Variants in SEC31A observed in about 807,000 individuals in gnomAD.
SEC31A encodes SEC31 homolog A, COPII component, also known as protein transport protein Sec31A.
SEC31A carries 70 observed loss-of-function variants against 151.0 expected under a neutral mutation model. The ratio of observed to expected loss-of-function variants is 0.46; its 90% CI spans 0.38 to 0.57. SEC31A has a LOEUF of 0.57. Ranked by LOEUF, SEC31A falls within the 20% of genes least tolerant of loss-of-function variation. The pLI, the probability that SEC31A is intolerant of heterozygous loss-of-function variation, is 0.00. For missense variants in SEC31A, 1,330 were observed against 1,471.2 expected (o/e 0.90, Z 1.57); for synonymous variants, 475 against 505.9 (o/e 0.94, Z 0.82).
At chr4:82,840,500 T>C (rs368360992) in intron 22 of SEC31A, among the ~76,000 whole-genome samples, 23 of 152,392 alleles carry the variant, frequency 1.5e-4, no homozygotes, top group Admixed American at 1.0e-3. Flanking sequence ...TTAAGGATTA[T>C]GCATACAGTG....
At chr4:82,864,753 T>C (rs1424726312) in intron 10 of SEC31A, among the ~76,000 whole-genome samples, 155 bp from the exon 11 acceptor site, 1 of 152,012 alleles carries the variant, frequency 6.6e-6, no homozygotes, top group Non-Finnish European at 1.5e-5. Flanking sequence ...CTGTTCTAGA[T>C]GAAATGTACT....
At chr4:82,844,670 C>G (rs1016866436) in intron 20 of SEC31A, among the ~76,000 whole-genome samples, 161 bp from the exon 21 acceptor site, 2 of 152,160 alleles carry the variant, frequency 1.3e-5, no homozygotes, top group African/African-American at 4.8e-5. Flanking sequence ...CTCATAATAC[C>G]ACATTTTCTG....
chr4:82,891,301 G>A, upstream of SEC31A: 1 of 974,166 alleles, frequency 1.0e-6, no homozygotes, highest in South Asian at 1.6e-5. Flanking sequence ...GGCACTTCCG[G>A]GACCGGCGGT....
intron 22 of SEC31A, among the ~76,000 whole-genome samples, chr4:82,841,368 A>G (rs1728685620): frequency 6.7e-6 from 1 of 149,180 alleles, no homozygotes. Context: ...GGTTGCAGTG[A>G]GCTGAGATCA....
chr4:82,862,624 T>A (rs1194564230), intron 12 of SEC31A, 52 bp from the exon 13 acceptor site: 1 of 1,505,144 alleles, frequency 6.6e-7, no homozygotes, highest in Non-Finnish European at 9.2e-7. Context: ...TTTCAGAGCA[T>A]CCAGCAAATG....
intron 14 of SEC31A, among the ~76,000 whole-genome samples, chr4:82,860,644 T>TA (rs1183077011): frequency 3.5e-5 from 4 of 112,976 alleles, no homozygotes; most frequent in Non-Finnish European, 6.8e-5. Flanking sequence ...GGCTAATTTT[T>TA]TATTTTTTTT....
intron 21 of SEC31A, chr4:82,844,050 C>T (rs1729503692): frequency 3.5e-6 from 1 of 286,636 alleles, no homozygotes; most frequent in Non-Finnish European, 6.4e-6. Flanking sequence ...TTTGTGTCAT[C>T]TTGCCTGAAG....
chr4:82,821,237 A>G (rs1446132249), intron 25 of SEC31A, 129 bp from the exon 26 acceptor site: 2 of 718,406 alleles, frequency 2.8e-6, no homozygotes, highest in Non-Finnish European at 4.8e-6. Context: ...AAATGGAGGC[A>G]ACTACAACTA....
intron 10 of SEC31A, among the ~76,000 whole-genome samples, chr4:82,865,123 A>C (rs1735022151): frequency 6.6e-6 from 1 of 152,204 alleles, no homozygotes; most frequent in Non-Finnish European, 1.5e-5. Flanking sequence ...TAGGAAGATT[A>C]ATCTTGGAAT....
chr4:82,839,896 A>T (rs1220260345), intron 22 of SEC31A, among the ~76,000 whole-genome samples: 1 of 152,266 alleles, frequency 6.6e-6, no homozygotes, highest in African/African-American at 2.4e-5. Context: ...CTTCTGCTTA[A>T]GGAGAAAAAG....
Position 82,881,963 on chromosome 4 carries a change from A to G in SEC31A, c.-4-23T>C, listed in dbSNP as rs746031165. The G allele has an allele frequency of 2.3e-5, 36 of 1,585,186 alleles. No individual in the cohort carries two copies. The African/African-American group carries it at 4.4e-4, about 20-fold the overall frequency. Reference sequence around the variant, plus strand: ...CTGCTAAAGGGAATATTTTATACAGAAACAGCCTTGAATGACTTGAATGTC... The same window carrying G: ...CTGCTAAAGGGAATATTTTATACAGGAACAGCCTTGAATGACTTGAATGTC... On this transcript the variant is annotated intron_variant, in intron 1 of 26. Transcript: ENST00000395310.
upstream of SEC31A, among the ~76,000 whole-genome samples, chr4:82,892,320 C>A (rs1719847484): frequency 6.6e-6 from 1 of 152,222 alleles, no homozygotes; most frequent in African/African-American, 2.4e-5. Flanking sequence ...TCCATTTCAA[C>A]CGCAAGCAGC....
At chr4:82,836,203 T>C (rs928374975) in intron 22 of SEC31A, among the ~76,000 whole-genome samples, 30 of 151,768 alleles carry the variant, frequency 2.0e-4, no homozygotes, top group African/African-American at 7.3e-4. Context: ...CGAAACCCCA[T>C]CTCTACTAAA....
intron 5 of SEC31A, among the ~76,000 whole-genome samples, chr4:82,875,089 A>G (rs1283169939): frequency 1.3e-5 from 2 of 152,222 alleles, no homozygotes; most frequent in African/African-American, 2.4e-5. Flanking sequence ...GTTGGTGACT[A>G]TGACAGAAAA....
upstream of SEC31A, among the ~76,000 whole-genome samples, chr4:82,892,579 T>C (rs1027235675): frequency 3.3e-5 from 5 of 152,256 alleles, no homozygotes; most frequent in Non-Finnish European, 7.3e-5. Flanking sequence ...TTATAAATGG[T>C]CACAAGTTTA....
intron 20 of SEC31A, among the ~76,000 whole-genome samples, chr4:82,846,860 A>G (rs1730347277): frequency 6.6e-6 from 1 of 152,046 alleles, no homozygotes; most frequent in Non-Finnish European, 1.5e-5. Flanking sequence ...GATTACAGGC[A>G]TGCGCCACCA....
chr4:82,886,811 T>C (rs372024032), intron 1 of SEC31A, among the ~76,000 whole-genome samples: 23 of 152,364 alleles, frequency 1.5e-4, no homozygotes, highest in Admixed American at 1.0e-3. Flanking sequence ...TTTGTAACAT[T>C]CTACTAGCAC....
rs775429502 is a variant in SEC31A, at chr4:82,824,537, A to T, written c.3411+18T>A. 18 of 1,605,764 alleles carry T rather than the reference A, an allele frequency of 1.1e-5. No individual in the cohort carries two copies. Among genetic ancestry groups the T allele is most frequent in the East Asian group, 2.2e-5 (1 of 44,760 alleles). On this transcript the variant is annotated intron_variant, in intron 25 of 26. Coordinates refer to ENST00000395310, the MANE Select transcript of SEC31A (RefSeq NM_001077207.4). ...CTTCTAATTAAGCAAAATATGATTT[A>T]AAAAAATAAATACATACAGGGTCTG...
In SEC31A at chr4:82,829,189, G is replaced by A. The variant is rs76405212; in HGVS notation, c.2969-131C>T. 7,093 of 677,890 alleles carry A rather than the reference G, an allele frequency of 0.01. 338 individuals carry two copies. In the East Asian group the frequency reaches 0.12, roughly 12 times the overall value. 42.0% of individuals were successfully genotyped at this position (677,890 alleles called of 1,614,324 possible). The stretch of plus-strand genomic sequence containing the variant: ...AACTGTCACAAAGGTTTTACCAGCC[G>A]AGTGTGGGGATCACTATGTAGCCCT... On this transcript the variant is annotated intron_variant, in intron 22 of 26. Transcript: ENST00000395310.
Sources: gnomAD v4.1 joint callset for allele counts (sites outside exome capture counted in the v4.1 genomes callset) on GRCh38, gnomAD v4.1.1 for gene constraint, MANE v1.5 for transcripts, NCBI Gene and HGNC (gene_info 2026-07-23, HGNC 2026-07-21) for gene names.